The following TMCO4 variants were observed in gnomAD, a reference collection of about 807,000 sequenced individuals.
TMCO4 encodes the protein transmembrane and coiled-coil domains 4.
In TMCO4, 58 loss-of-function variants were observed where a neutral mutation model predicts 64.7. The ratio of observed to expected loss-of-function variants is 0.90; its 90% CI spans 0.73 to 1.12. The LOEUF (loss-of-function observed/expected upper bound fraction) is 1.12, where lower values mean the gene tolerates loss of function less well. TMCO4 is among the 50% of genes most tolerant of loss of function. TMCO4 has a pLI of 0.00. For missense variants in TMCO4, 780 were observed against 825.9 expected (o/e 0.94, Z 0.68); for synonymous variants, 325 against 346.1 (o/e 0.94, Z 0.68).
intron 2 of TMCO4, among the ~76,000 whole-genome samples, chr1:19,788,109 T>G (rs1322662463): frequency 6.6e-6 from 1 of 152,186 alleles, no homozygotes; most frequent in African/African-American, 2.4e-5. Context: ...CTCTTTAAGC[T>G]TCAGTGGGGT....
At chr1:19,797,552 G>C (rs2101178111) in intron 2 of TMCO4, among the ~76,000 whole-genome samples, 1 of 152,144 alleles carries the variant, frequency 6.6e-6, no homozygotes, top group Admixed American at 6.5e-5. Flanking sequence ...CCATGTAAAA[G>C]GTTTTTTCTC....
At chr1:19,692,899 C>A (rs897515261) in intron 15 of TMCO4, among the ~76,000 whole-genome samples, 1 of 150,822 alleles carries the variant, frequency 6.6e-6, no homozygotes. Context: ...TGGTCAGGCA[C>A]GGTGGCTCAC....
chr1:19,716,186 A>ATTATTATTT (rs57847602), intron 13 of TMCO4, among the ~76,000 whole-genome samples: 2 of 130,954 alleles, frequency 1.5e-5, no homozygotes, highest in East Asian at 2.1e-4. Flanking sequence ...TATTATTATT[A>ATTATTATTT]ATTTATTTAT....
intron 10 of TMCO4, among the ~76,000 whole-genome samples, chr1:19,742,798 G>A (rs906343974): frequency 6.6e-6 from 1 of 152,076 alleles, no homozygotes; most frequent in Non-Finnish European, 1.5e-5. Context: ...CATAAAAGGT[G>A]TTGTATACTT....
At chr1:19,703,208 C>T (rs1387044035) in intron 13 of TMCO4, among the ~76,000 whole-genome samples, 7 of 152,216 alleles carry the variant, frequency 4.6e-5, no homozygotes, top group Non-Finnish European at 8.8e-5. Flanking sequence ...AGGTTCAAAT[C>T]CCAGCTTAGC....
chr1:19,777,347 CTTTT>C (rs35543721), intron 4 of TMCO4, among the ~76,000 whole-genome samples: 8 of 129,298 alleles, frequency 6.2e-5, no homozygotes, highest in Non-Finnish European at 9.8e-5. Context: ...ACCCAAAGGC[CTTTT>C]TTTTTTTTTT....
In TMCO4 at chr1:19,739,908, G is replaced by A; in HGVS notation, c.1095C>T (p.Val365=). The A allele has an allele frequency of 6.2e-7, 1 of 1,614,054 alleles. No homozygotes were observed. Among genetic ancestry groups the A allele is most frequent in the East Asian group, 2.2e-5 (1 of 44,872 alleles). ...GACACACCCCCCAGGGGTTGTCGAT[G>A]ACATTGGCGACACTGAGGAGTGAGG... ...WPASLLSVAN[V]IDNPWGVCLH... Residue 365 remains valine, a synonymous_variant, in exon 12 of 16, where the codon GTC becomes GTT. Coordinates refer to ENST00000294543, the MANE Select transcript of TMCO4 (RefSeq NM_181719.7).
chr1:19,786,162 C>T (rs759441511), intron 3 of TMCO4, among the ~76,000 whole-genome samples: 1 of 152,158 alleles, frequency 6.6e-6, no homozygotes, highest in Non-Finnish European at 1.5e-5. Context: ...GCAGGAGCAT[C>T]GCTTAAGCCC....
intron 10 of TMCO4, among the ~76,000 whole-genome samples, chr1:19,741,547 G>A (rs1464902679): frequency 2.6e-5 from 4 of 151,956 alleles, no homozygotes; most frequent in East Asian, 3.9e-4. Context: ...AATGACCCAC[G>A]GAAGGAGGAT....
At chr1:19,755,961 G>A (rs780349311) in intron 6 of TMCO4, among the ~76,000 whole-genome samples, 195 bp from the exon 7 acceptor site, 2 of 152,232 alleles carry the variant, frequency 1.3e-5, no homozygotes, top group Admixed American at 6.5e-5. Flanking sequence ...CAAAAGCAAG[G>A]TGGGGCTGGG....
chr1:19,771,295 G>C lies in TMCO4; in HGVS notation c.354+13C>G. The stretch of plus-strand genomic sequence containing the variant: ...TACTGTCCCCAGCAGCCACCACCAG[G>C]TGTTGGGTGTACCTGAGTGATCACC... On this transcript the variant is annotated intron_variant, in intron 5 of 15. Coordinates refer to ENST00000294543, the MANE Select transcript of TMCO4 (RefSeq NM_181719.7). 6 of 1,611,838 alleles carry C rather than the reference G, an allele frequency of 3.7e-6. No individual in the cohort carries two copies. The highest frequency in any genetic ancestry group is 5.1e-6 in the Non-Finnish European group (6 of 1,178,334).
At chr1:19,768,937 A>T (rs184693823) in intron 6 of TMCO4, among the ~76,000 whole-genome samples, 2 of 152,306 alleles carry the variant, frequency 1.3e-5, no homozygotes, top group Admixed American at 1.3e-4. Flanking sequence ...AACAGTAAAG[A>T]AAGTTTATTA....
chr1:19,692,267 A>G (rs764247986), intron 15 of TMCO4, among the ~76,000 whole-genome samples: 116 of 152,086 alleles, frequency 7.6e-4, no homozygotes, highest in African/African-American at 2.3e-3. Context: ...GCCTCCCCCT[A>G]TGGAGCACCT....
In TMCO4 at chr1:19,700,890, C is replaced by A. The variant is rs2095267615; in HGVS notation, c.1265-5G>T. 16 of 1,613,624 alleles carry A rather than the reference C, an allele frequency of 9.9e-6. No homozygotes were observed. In the East Asian group the frequency reaches 3.6e-4, roughly 36 times the overall value. On this transcript the variant is annotated splice_polypyrimidine_tract_variant and splice_region_variant and intron_variant, in intron 13 of 15. Coordinates refer to ENST00000294543, the MANE Select transcript of TMCO4 (RefSeq NM_181719.7). ...CCTCGATGATTCCTTGGCAATCTGG[C>A]AAAAGACCCCAGAAAAGGCCGTCAG... is the stretch of plus-strand genomic sequence containing the variant.
chr1:19,760,752 T>C (rs1294993442), intron 6 of TMCO4, among the ~76,000 whole-genome samples: 2 of 152,274 alleles, frequency 1.3e-5, no homozygotes, highest in East Asian at 1.9e-4. Flanking sequence ...TTCTAGAATA[T>C]AAAATTTAAG....
intron 11 of TMCO4, among the ~76,000 whole-genome samples, 163 bp from the exon 12 acceptor site, chr1:19,740,123 A>C (rs1570836449): frequency 6.6e-6 from 1 of 152,284 alleles, no homozygotes; most frequent in East Asian, 1.9e-4. Context: ...GAAACTCATG[A>C]ATTTCTGATA....
rs767233859 is a variant in TMCO4 at position 19,771,323 on chromosome 1, C to T, written c.339G>A (p.Pro113=). 11 of 1,613,994 alleles carry T rather than the reference C, an allele frequency of 6.8e-6. No homozygotes were observed. The highest frequency in any genetic ancestry group is 5.5e-5 in the South Asian group (5 of 91,040). The change falls in exon 5 of 16, where the codon CCG becomes CCA. Residue 113 remains proline, a synonymous_variant. Transcript: ENST00000294543. ...TTGGGTGTACCTGAGTGATCACCGT[C>T]GGGTCGTCCTTCAAGATGGGGTCCT... ...LLKDPILKDD[P]TVITQDLLSF...
chr1:19,710,965 T>C (rs1442820214), intron 13 of TMCO4, among the ~76,000 whole-genome samples: 1 of 152,184 alleles, frequency 6.6e-6, no homozygotes, highest in Non-Finnish European at 1.5e-5. Flanking sequence ...ACAGGGGCCA[T>C]GTGAAACACG....
intron 6 of TMCO4, among the ~76,000 whole-genome samples, chr1:19,757,719 C>T (rs181089624): frequency 6.6e-6 from 1 of 152,262 alleles, no homozygotes; most frequent in Admixed American, 6.5e-5. Context: ...TTGTACTCAT[C>T]ATATCTTACT....
Sources: allele counts gnomAD v4.1 joint callset (sites outside exome capture counted in the v4.1 genomes callset), GRCh38; gene constraint gnomAD v4.1.1; transcripts MANE v1.5; gene names NCBI Gene and HGNC (gene_info 2026-07-23, HGNC 2026-07-21).